The following EIF4H variants were observed in gnomAD, a reference collection of about 807,000 sequenced individuals.
EIF4H encodes Williams-Beuren syndrome chromosome region 1.
In EIF4H, 8 loss-of-function variants were observed where a neutral mutation model predicts 30.6. The observed-to-expected ratio is 0.26, with a 90% CI of 0.15 to 0.47. EIF4H has a LOEUF of 0.47. Among genes scored for constraint, EIF4H ranks in the 20% least tolerant of loss-of-function variants. The pLI is 0.99. For missense variants in EIF4H, 188 were observed against 339.5 expected (o/e 0.55, Z 3.51); for synonymous variants, 106 against 122.7 (o/e 0.86, Z 0.90).
In EIF4H at chr7:74,186,796, T is replaced by A. The variant is rs1554709222; in HGVS notation, c.60-815T>A. Among the ~76,000 whole-genome samples, 29 of 8,200 alleles carry A rather than the reference T, an allele frequency of 3.5e-3. 9 individuals carry two copies. Among genetic ancestry groups the A allele is most frequent in the African/African-American group, 0.021 (24 of 1,120 alleles). 5.4% of individuals were successfully genotyped at this position (8,200 alleles called of 152,430 possible). On this transcript the variant is annotated intron_variant, in intron 1 of 6. Transcript: ENST00000265753. Reference sequence around the variant, plus strand: ...TCAGGCAACAAGGAGAAATTTTTTTTTTTTTTTTTTTTTTTTTTTTTTTTT... The same window carrying A: ...TCAGGCAACAAGGAGAAATTTTTTTATTTTTTTTTTTTTTTTTTTTTTTTT...
chr7:74,176,463 A>T (rs1480024649), intron 1 of EIF4H, among the ~76,000 whole-genome samples: 3 of 152,208 alleles, frequency 2.0e-5, no homozygotes, highest in African/African-American at 7.2e-5. Flanking sequence ...CTTAAGCATC[A>T]TAGAAGATTG....
chr7:74,174,735 A>G (rs1800797775), intron 1 of EIF4H, among the ~76,000 whole-genome samples: 1 of 152,188 alleles, frequency 6.6e-6, no homozygotes, highest in South Asian at 2.1e-4. Context: ...ATGCCCGGAG[A>G]CGAGCGCCCG....
intron 1 of EIF4H, among the ~76,000 whole-genome samples, chr7:74,186,478 G>A (rs1408606577): frequency 6.6e-6 from 1 of 152,076 alleles, no homozygotes; most frequent in Non-Finnish European, 1.5e-5. Flanking sequence ...CTCCCAAAAT[G>A]CTGTATTAGG....
chr7:74,192,461 G>T (rs117043577), intron 5 of EIF4H, among the ~76,000 whole-genome samples: 1 of 152,074 alleles, frequency 6.6e-6, no homozygotes, highest in Non-Finnish European at 1.5e-5. Context: ...TCTGAACTGG[G>T]TGTGAGATCC....
intron 1 of EIF4H, among the ~76,000 whole-genome samples, 181 bp from the exon 2 acceptor site, chr7:74,187,430 C>A (rs1801110040): frequency 1.3e-5 from 2 of 151,940 alleles, no homozygotes. Flanking sequence ...CAGTCTGTCT[C>A]AAAAAATTTT....
chr7:74,177,406 G>A (rs1299922589), intron 1 of EIF4H, among the ~76,000 whole-genome samples: 1 of 152,172 alleles, frequency 6.6e-6, no homozygotes, highest in Non-Finnish European at 1.5e-5. Flanking sequence ...GGGATATTGA[G>A]TGTATTCGTA....
intron 1 of EIF4H, among the ~76,000 whole-genome samples, chr7:74,185,450 G>A (rs536378916): frequency 7.2e-5 from 11 of 152,298 alleles, no homozygotes; most frequent in African/African-American, 2.6e-4. Flanking sequence ...GAAAAGATGG[G>A]AGAAGTGGGC....
At chr7:74,174,491 G>T (rs1563945549) in intron 1 of EIF4H, 49 bp downstream of exon 1, 2 of 1,314,534 alleles carry the variant, frequency 1.5e-6, no homozygotes, top group Non-Finnish European at 9.8e-7. Flanking sequence ...GACCGGCGGA[G>T]TCGGGGCCGT....
chr7:74,184,442 A>G (rs1554708890), intron 1 of EIF4H, among the ~76,000 whole-genome samples: 2 of 152,102 alleles, frequency 1.3e-5, no homozygotes, highest in African/African-American at 4.8e-5. Flanking sequence ...TTTTATGTAT[A>G]TGTTACACAT....
At chr7:74,183,733 GTGTCATCCTATGTGATGTGATGTGA>G (rs1226875546) in intron 1 of EIF4H, 3 of 152,152 alleles carry the variant, frequency 2.0e-5, no homozygotes, top group Admixed American at 6.6e-5. Context: ...TAACAGATCT[GTGTCATCCTATGTGATGTGATGTGA>G]TGTCATCCTA....
At chr7:74,182,817 A>G (rs1272785248) in intron 1 of EIF4H, among the ~76,000 whole-genome samples, 1 of 152,104 alleles carries the variant, frequency 6.6e-6, no homozygotes, top group Non-Finnish European at 1.5e-5. Context: ...CTCCTTTGAC[A>G]CCTACAGATC....
intron 1 of EIF4H, among the ~76,000 whole-genome samples, chr7:74,175,237 G>T (rs1584169834): frequency 6.6e-6 from 1 of 152,188 alleles, no homozygotes; most frequent in Admixed American, 6.5e-5. Context: ...TCTTTGAATA[G>T]AGAGCTCATG....
rs537769003 is a variant in EIF4H, at chr7:74,195,644, G to T, written c.*336G>T. The T allele has an allele frequency of 0.011, 2,288 of 214,440 alleles. 18 individuals are homozygous for T. Among genetic ancestry groups the T allele is most frequent in the Middle Eastern group, 0.023 (52 of 2,216 alleles). The allele number at this position is 214,440 out of a possible 1,614,324, so 13.3% of individuals were successfully genotyped here. On this transcript the variant is annotated 3_prime_UTR_variant, in exon 7 of 7. Coordinates refer to ENST00000265753, the MANE Select transcript of EIF4H (RefSeq NM_022170.2). ...GTGGCCGCCGTGGGGGGGCGTTTGG[G>T]CTGCGGTGCTGCGTCATTTTTCCTT...
chr7:74,174,847 C>A (rs1325350080), intron 1 of EIF4H, among the ~76,000 whole-genome samples: 1 of 152,260 alleles, frequency 6.6e-6, no homozygotes, highest in Non-Finnish European at 1.5e-5. Flanking sequence ...CGGCCTCTTT[C>A]GCGGCCCTCT....
chr7:74,182,844 A>G lies in EIF4H; in HGVS notation c.60-4767A>G, dbSNP rs782811861. Among the ~76,000 whole-genome samples, 113 of 152,224 alleles carry G rather than the reference A, an allele frequency of 7.4e-4. 1 individual carries two copies. The highest frequency in any genetic ancestry group is 4.1e-4 in the South Asian group (2 of 4,820). On this transcript the variant is annotated intron_variant, in intron 1 of 6. Coordinates refer to ENST00000265753, the MANE Select transcript of EIF4H (RefSeq NM_022170.2). ...CTACAGATCTTTTCTGGCTCACCCT[A>G]AGGGTTCAGTATTGGCCCCATCTGC...
Position 74,190,245 on chromosome 7 carries a change from A to G in EIF4H, c.410-2A>G. On this transcript the variant is annotated splice_acceptor_variant, in intron 4 of 6. Transcript: ENST00000265753. LOFTEE classifies it high-confidence loss of function. ...AACTTTATCTTTTTTGTGTATCCTC[A>G]GGAATGGGTAGCTCTCGAGAATCTA... is the stretch of plus-strand genomic sequence containing the variant. 6.2e-7 allele frequency: 1 copy of G among 1,614,082 alleles called. No homozygotes were observed. The highest frequency in any genetic ancestry group is 8.5e-7 in the Non-Finnish European group (1 of 1,179,946).
At chr7:74,175,437 G>T (rs564482957) in intron 1 of EIF4H, among the ~76,000 whole-genome samples, 1 of 152,208 alleles carries the variant, frequency 6.6e-6, no homozygotes, top group East Asian at 1.9e-4. Flanking sequence ...CAGTCTCCTG[G>T]GTTGCAGTCC....
chr7:74,179,849 C>T (rs923516323), intron 1 of EIF4H, among the ~76,000 whole-genome samples: 31 of 152,260 alleles, frequency 2.0e-4, no homozygotes, highest in African/African-American at 6.7e-4. Flanking sequence ...GACTGTCAGG[C>T]TTATGTTGAT....
At chr7:74,185,381 G>A (rs1281291413) in intron 1 of EIF4H, among the ~76,000 whole-genome samples, 1 of 152,146 alleles carries the variant, frequency 6.6e-6, no homozygotes, top group Admixed American at 6.6e-5. Flanking sequence ...AGATATCAGC[G>A]ATAGAGTACT....
Sources: allele counts gnomAD v4.1 joint callset (sites outside exome capture counted in the v4.1 genomes callset), GRCh38; gene constraint gnomAD v4.1.1; transcripts MANE v1.5; gene names NCBI Gene and HGNC (gene_info 2026-07-23, HGNC 2026-07-21).